PCYT1B: variants seen among roughly 807,000 people sequenced by gnomAD.
PCYT1B encodes the protein phosphate cytidylyltransferase 1B, choline, also known as choline-phosphate cytidylyltransferase B.
PCYT1B carries 10 observed loss-of-function variants against 26.4 expected under a neutral mutation model. The observed-to-expected ratio is 0.38, with a 90% CI of 0.23 to 0.64. PCYT1B has a LOEUF of 0.64. Among genes scored for constraint, PCYT1B ranks in the 30% least tolerant of loss-of-function variants. PCYT1B has a pLI of 0.56. For synonymous variants in PCYT1B, 131 were observed against 108.4 expected, an observed-to-expected ratio of 1.21 and a Z score of -1.29; for missense variants, 161 against 292.7, an observed-to-expected ratio of 0.55 and a Z score of 3.28.
chrX:24,615,428 C>T (rs981791371), intron 2 of PCYT1B, among the ~76,000 whole-genome samples: 5 of 111,195 alleles, frequency 4.5e-5, no homozygotes, highest in African/African-American at 1.3e-4. Context: ...ACTCTCTCTG[C>T]TTCTATTTCC....
chrX:24,624,025 G>A (rs1408915494), intron 1 of PCYT1B, among the ~76,000 whole-genome samples: 2 of 100,320 alleles, frequency 2.0e-5, no homozygotes, highest in Non-Finnish European at 2.0e-5. Flanking sequence ...AGGCTGGAGT[G>A]CAGTGGCGCA....
rs1345325535 is a variant in PCYT1B, at chrX:24,630,861, G to C, written c.118-11777C>G. Among the ~76,000 whole-genome samples the C allele has an allele frequency of 3.6e-5, 4 of 112,190 alleles. No individual in the cohort carries two copies. The East Asian group carries it at 8.4e-4, about 24-fold the overall frequency. ...AAAGGGTATGATGGGTAATACTGTA[G>C]TAACATCGGTACTGATACACTCAAC... On this transcript the variant is annotated intron_variant, in intron 1 of 7. Transcript: ENST00000379144.
intron 2 of PCYT1B, among the ~76,000 whole-genome samples, chrX:24,611,126 G>A (rs978443002): frequency 1.8e-5 from 2 of 111,581 alleles, no homozygotes; most frequent in Non-Finnish European, 3.8e-5. Flanking sequence ...CTGGGATTTT[G>A]TTTCAAATCA....
intron 1 of PCYT1B, among the ~76,000 whole-genome samples, chrX:24,672,317 A>G (rs970839876): frequency 1.8e-5 from 2 of 111,892 alleles, no homozygotes; most frequent in Non-Finnish European, 3.8e-5. Flanking sequence ...TTAGTAAGCA[A>G]ATTTGTTCTT....
At chrX:24,603,003 C>T in intron 3 of PCYT1B, among the ~76,000 whole-genome samples, 1 of 111,213 alleles carries the variant, frequency 9.0e-6, no homozygotes, top group South Asian at 3.8e-4. Context: ...GGGGTTTCAC[C>T]ATGTTGGCCA....
Position 24,625,721 on chromosome X carries a change from T to C in PCYT1B, c.118-6637A>G, listed in dbSNP as rs547158711. Among the ~76,000 whole-genome samples, 33 of 100,733 alleles carry C rather than the reference T, an allele frequency of 3.3e-4. 2 individuals are homozygous for C. The South Asian group carries it at 0.017, about 51-fold the overall frequency. 87.5% of individuals were successfully genotyped at this position (100,733 alleles called of 115,157 possible). A position where few individuals can be genotyped will look rare whatever the true frequency, so the allele number is the denominator to read the frequency against. On this transcript the variant is annotated intron_variant, in intron 1 of 7. Coordinates refer to ENST00000379144, the MANE Select transcript of PCYT1B (RefSeq NM_004845.5). ...AAGTCACAAAGCAATATGTATAATA[T>C]GTATGTATACATGCTATCTAGTATG...
At chrX:24,593,488 T>C (rs1391180046) in intron 3 of PCYT1B, among the ~76,000 whole-genome samples, 2 of 74,918 alleles carry the variant, frequency 2.7e-5, no homozygotes, top group Non-Finnish European at 4.5e-5. Context: ...TTCTTTTCTT[T>C]TCTTTTCTTT....
chrX:24,648,449 ATT>A (rs57744798), upstream of PCYT1B, among the ~76,000 whole-genome samples: 290 of 39,671 alleles, frequency 7.3e-3, 1 homozygote, highest in African/African-American at 0.038. Flanking sequence ...ATTTGAAGGA[ATT>A]TTTTTTTTTT....
At chrX:24,585,530 C>T (rs777325900) in intron 5 of PCYT1B, among the ~76,000 whole-genome samples, 2 of 110,740 alleles carry the variant, frequency 1.8e-5, no homozygotes, top group Non-Finnish European at 3.8e-5. Context: ...CAGGACAGGC[C>T]AAAGTGGGGA....
intron 1 of PCYT1B, among the ~76,000 whole-genome samples, chrX:24,624,753 G>C (rs1365112232): frequency 8.9e-6 from 1 of 112,104 alleles, no homozygotes. Context: ...CCTCTTTATA[G>C]AGCTGTCTGT....
chrX:24,610,178 G>C (rs1017177528), intron 2 of PCYT1B, among the ~76,000 whole-genome samples: 2 of 111,340 alleles, frequency 1.8e-5, no homozygotes, highest in Non-Finnish European at 3.8e-5. Context: ...TCTGTTAAAT[G>C]ATCTTTAAGA....
Position 24,562,456 on chromosome X carries a change from G to A in PCYT1B, c.947C>T (p.Pro316Leu). 3.3e-6 allele frequency: 4 copies of A among 1,206,123 alleles called. No homozygotes were observed. The highest frequency in any genetic ancestry group is 3.4e-6 in the Non-Finnish European group (3 of 892,702). The change falls in exon 8 of 8, where the codon CCG becomes CTG. Residue 316 changes from proline (P) to leucine (L), a missense_variant. Pro to Leu is a moderately conservative substitution (Grantham distance 98). This residue lies in a region of PCYT1B where 38 missense variants were observed against 55.9 expected (regional missense o/e 0.68). Coordinates refer to ENST00000379144, the MANE Select transcript of PCYT1B (RefSeq NM_004845.5). ...TGGGCTGCTCACAGGGCTCTGCTTC[G>A]GGGATAAGGCCTGCAGCATCCGGCT... is the stretch of plus-strand genomic sequence containing the variant. ...RSSRMLQALS[P>L]KQSPVSSPTR...
chrX:24,597,705 C>T (rs1378113304), intron 3 of PCYT1B, among the ~76,000 whole-genome samples: 1 of 112,264 alleles, frequency 8.9e-6, no homozygotes, highest in Non-Finnish European at 1.9e-5. Flanking sequence ...CTGTCTTTCC[C>T]TGTCTTACAC....
intron 3 of PCYT1B, among the ~76,000 whole-genome samples, chrX:24,602,325 G>T (rs1742486028): frequency 1.8e-5 from 2 of 112,246 alleles, no homozygotes; most frequent in South Asian, 7.4e-4. Flanking sequence ...GTGGTTGTCA[G>T]GGGTTACAGG....
At chrX:24,639,068 AGT>A (rs947785633) in intron 1 of PCYT1B, among the ~76,000 whole-genome samples, 1 of 112,715 alleles carries the variant, frequency 8.9e-6, no homozygotes, top group Non-Finnish European at 1.9e-5. Flanking sequence ...ATATTTAGCC[AGT>A]GTGTCTTACC....
At chrX:24,672,817 T>G (rs1239438656), upstream of PCYT1B, 1 of 405,767 alleles carries the variant, frequency 2.5e-6, no homozygotes, top group African/African-American at 2.5e-5. Flanking sequence ...AGATTTGAGT[T>G]GCTAGGCACT....
chrX:24,639,838 C>T (rs1926409239), intron 1 of PCYT1B, among the ~76,000 whole-genome samples: 1 of 110,900 alleles, frequency 9.0e-6, no homozygotes, highest in African/African-American at 3.3e-5. Flanking sequence ...CACTTGTGCA[C>T]TGGAGCCCAA....
intron 1 of PCYT1B, among the ~76,000 whole-genome samples, chrX:24,638,750 G>A (rs996203449): frequency 1.8e-5 from 2 of 111,803 alleles, no homozygotes; most frequent in Non-Finnish European, 3.8e-5. Flanking sequence ...ACCCCAAGTA[G>A]CAAGCTTAGA....
intron 1 of PCYT1B, among the ~76,000 whole-genome samples, chrX:24,632,833 TTAGA>T (rs1306680441): frequency 3.6e-5 from 4 of 110,664 alleles, no homozygotes; most frequent in Non-Finnish European, 5.7e-5. Context: ...AAACATACAG[TTAGA>T]TAGAAGGAAT....
Sources: gnomAD v4.1 joint callset for allele counts (sites outside exome capture counted in the v4.1 genomes callset) on GRCh38, gnomAD v4.1.1 for gene constraint, gnomAD v4.1.1 regional missense constraint, MANE v1.5 for transcripts, NCBI Gene and HGNC (gene_info 2026-07-23, HGNC 2026-07-21) for gene names.